The following CTBP1 variants were observed in gnomAD, a reference collection of about 807,000 sequenced individuals.
CTBP1 encodes C-terminal binding protein 1.
In CTBP1, 11 loss-of-function variants were observed where a neutral mutation model predicts 42.1. The ratio of observed to expected loss-of-function variants is 0.26; its 90% confidence interval spans 0.16 to 0.43. The LOEUF is 0.43. CTBP1 is among the 20% of genes least tolerant of loss of function. The pLI is 1.00. For synonymous variants in CTBP1, 324 were observed against 277.1 expected, an observed-to-expected ratio of 1.17 and a Z score of -1.68; for missense variants, 399 against 624.3, an observed-to-expected ratio of 0.64 and a Z score of 3.85.
At chr4:1,248,706 C>CACGCAGCGGCCCGCGCAT in intron 1 of CTBP1, 1 of 982,478 alleles carries the variant, frequency 1.0e-6, no homozygotes, top group Non-Finnish European at 1.2e-6. Context: ...CGCTCGCGCA[C>CACGCAGCGGCCCGCGCAT]ACGCAGCGGC....
At position 1,224,508 on chromosome 4, in the gene CTBP1, CCCA is replaced by C. The variant is rs200487273; in HGVS notation, c.514+849_514+851del. 7.2e-3 allele frequency among the ~76,000 whole-genome samples: 1,081 copies of C among 150,366 alleles called. 21 individuals are homozygous for C. Among genetic ancestry groups the C allele is most frequent in the African/African-American group, 0.025 (1,008 of 40,814 alleles). Reference sequence around the variant, plus strand: ...ATGTCCGTGTGTGATGTCTGTGAGGCCCACGTGTGCTGTGGCGTGTGACATCCG... The same window carrying C: ...ATGTCCGTGTGTGATGTCTGTGAGGCCGTGTGCTGTGGCGTGTGACATCCG... On this transcript the variant is annotated intron_variant, in intron 5 of 9. Transcript: ENST00000382952.
chr4:1,216,614 G>A (rs1372754390), intron 5 of CTBP1: 4 of 269,182 alleles, frequency 1.5e-5, no homozygotes, highest in African/African-American at 2.2e-5. Context: ...CAATGTTTCC[G>A]GCATCTCAAT....
intron 1 of CTBP1, chr4:1,248,627 G>T: frequency 4.1e-6 from 4 of 964,970 alleles, no homozygotes; most frequent in African/African-American, 1.8e-5. Context: ...GTCCGGCGGG[G>T]CAGCCCAGAG....
At chr4:1,213,378 G>A (rs1215516070) in intron 8 of CTBP1, 100 bp downstream of exon 8, 71 of 1,562,832 alleles carry the variant, frequency 4.5e-5, no homozygotes, top group Non-Finnish European at 6.0e-5. Flanking sequence ...CCCTGAGCTG[G>A]CAGAACATGG....
intron 1 of CTBP1, 64 bp downstream of exon 1, chr4:1,248,852 C>T (rs1196613561): frequency 1.1e-6 from 1 of 910,956 alleles, no homozygotes; most frequent in Non-Finnish European, 1.3e-6. Flanking sequence ...GCCCCCCGCC[C>T]GCGCGGCACC....
chr4:1,246,429 C>T (rs1290279672), intron 1 of CTBP1, among the ~76,000 whole-genome samples: 1 of 152,232 alleles, frequency 6.6e-6, no homozygotes, highest in African/African-American at 2.4e-5. Flanking sequence ...CCTCTCCAGC[C>T]CCCAGTGGAG....
chr4:1,248,132 C>T (rs909353172), intron 1 of CTBP1, among the ~76,000 whole-genome samples: 2 of 152,100 alleles, frequency 1.3e-5, no homozygotes, highest in Non-Finnish European at 2.9e-5. Flanking sequence ...TGCAAGATGG[C>T]GATGGTGGCA....
At chr4:1,248,203 G>A (rs1732946939) in intron 1 of CTBP1, among the ~76,000 whole-genome samples, 1 of 151,910 alleles carries the variant, frequency 6.6e-6, no homozygotes, top group South Asian at 2.1e-4. Flanking sequence ...AAGGCGCCCC[G>A]GGACCTGGGC....
In CTBP1 at chr4:1,238,308, G is replaced by T; in HGVS notation, c.37C>A (p.Leu13Met). 6.3e-7 allele frequency: 1 copy of T among 1,589,544 alleles called. No individual in the cohort carries two copies. The highest frequency in any genetic ancestry group is 8.6e-7 in the Non-Finnish European group (1 of 1,163,778). Residue 13 changes from leucine (L) to methionine (M), a missense_variant, in exon 3 of 10, where the codon CTG becomes ATG. Transcript: ENST00000382952. The surrounding 1 kb of genome is among the most constrained non-coding windows in gnomAD (Gnocchi z 5.9). ...GVRPPIMNGP[L>M]HPRPLVALLD... ...AATGCCACCAGGGGCCGCGGGTGCA[G>T]GGGCCCGTTCATGATCGGAGGTCGG...
At chr4:1,220,247 C>A (rs1188797191) in intron 5 of CTBP1, among the ~76,000 whole-genome samples, 4 of 146,560 alleles carry the variant, frequency 2.7e-5, no homozygotes, top group Non-Finnish European at 4.5e-5. Flanking sequence ...GCCGAAATCA[C>A]GCCACTGTAC....
chr4:1,231,906 G>A (rs1224506756), intron 3 of CTBP1, among the ~76,000 whole-genome samples: 1 of 152,228 alleles, frequency 6.6e-6, no homozygotes, highest in Non-Finnish European at 1.5e-5. Flanking sequence ...AGGGGTTACC[G>A]GCGGTGCCTG....
rs140595665 is a variant in CTBP1, at chr4:1,212,411, G to A, written c.1119C>T (p.Gly373=). The change falls in exon 10 of 10, where the codon GGC becomes GGT. Residue 373 remains glycine, a synonymous_variant. Transcript: ENST00000382952. ...TGCCAGTGGGGGCCACGCCCACCAC[G>A]CCCGGAGGGTACCTGCTGGGAGAGG... ...LNGAAYRYPP[G]VVGVAPTGIP... is the part of the protein sequence containing the mutation. 46 of 1,461,736 alleles carry A rather than the reference G, an allele frequency of 3.1e-5. No homozygotes were observed. Among genetic ancestry groups the A allele is most frequent in the Admixed American group, 1.4e-4 (5 of 34,854 alleles). 90.5% of individuals were successfully genotyped at this position (1,461,736 alleles called of 1,614,324 possible). A position where few individuals can be genotyped will look rare whatever the true frequency, so the allele number is the denominator to read the frequency against.
chr4:1,221,976 T>C, intron 5 of CTBP1: 1 of 309,688 alleles, frequency 3.2e-6, no homozygotes, highest in Admixed American at 4.4e-5. Flanking sequence ...CTGCGCCGAG[T>C]GGCACCAACA....
chr4:1,214,582 C>T (rs1023277334), intron 6 of CTBP1, 109 bp from the exon 7 acceptor site: 1 of 1,356,262 alleles, frequency 7.4e-7, no homozygotes, highest in Non-Finnish European at 9.8e-7. Flanking sequence ...CTCCCTAGCC[C>T]CTTCCCAGCC....
At chr4:1,232,173 C>T (rs1040296954) in intron 3 of CTBP1, among the ~76,000 whole-genome samples, 4 of 152,238 alleles carry the variant, frequency 2.6e-5, no homozygotes, top group South Asian at 2.1e-4. Context: ...CCTCTGGATA[C>T]GCTGGGATGA....
intron 1 of CTBP1, chr4:1,242,018 G>C (rs1732230001): frequency 9.0e-6 from 9 of 999,756 alleles, no homozygotes; most frequent in Non-Finnish European, 1.1e-5. Context: ...TGGCTTTCCA[G>C]CATCCAGCCT....
In CTBP1 at chr4:1,238,339, T is replaced by C; in HGVS notation, c.8-2A>G. The C allele has an allele frequency of 6.4e-7, 1 of 1,557,076 alleles. No homozygotes were observed. Among genetic ancestry groups the C allele is most frequent in the East Asian group, 2.3e-5 (1 of 44,256 alleles). On this transcript the variant is annotated splice_acceptor_variant, in intron 2 of 9. Coordinates refer to ENST00000382952, the MANE Select transcript of CTBP1 (RefSeq NM_001012614.2). LOFTEE classifies it high-confidence loss of function. The surrounding 1 kb of genome is among the most constrained non-coding windows in gnomAD (Gnocchi z 5.9). ...CGTTCATGATCGGAGGTCGGACGCC[T>C]GCAAGACAGAGGCAAGTGCTCAGCC...
intron 1 of CTBP1, chr4:1,242,187 C>G (rs1732247633): frequency 2.0e-6 from 2 of 985,318 alleles, no homozygotes; most frequent in Admixed American, 1.2e-4. Context: ...TGGCTGAATG[C>G]ACAGGGGCAG....
At chr4:1,220,753 C>T (rs951347549) in intron 5 of CTBP1, among the ~76,000 whole-genome samples, 15 of 152,268 alleles carry the variant, frequency 9.9e-5, no homozygotes, top group Admixed American at 4.6e-4. Context: ...GAGGGCTCCT[C>T]GGCGCATCGT....
Sources: gnomAD v4.1 joint callset for allele counts (sites outside exome capture counted in the v4.1 genomes callset) on GRCh38, gnomAD v4.1.1 for gene constraint, Gnocchi (gnomAD v3.1) non-coding constraint, MANE v1.5 for transcripts, NCBI Gene and HGNC (gene_info 2026-07-23, HGNC 2026-07-21) for gene names.